Variants in GNAI3 observed in about 807,000 individuals in gnomAD.
GNAI3 encodes the protein guanine nucleotide-binding protein G(i) subunit alpha-3.
GNAI3 carries 12 observed loss-of-function variants against 41.8 expected under a neutral mutation model. The observed-to-expected ratio is 0.29, with a 90% confidence interval of 0.18 to 0.47. The LOEUF is 0.47. GNAI3 is among the 20% of genes least tolerant of loss of function. GNAI3 has a pLI of 1.00. For missense variants in GNAI3, 360 were observed against 429.6 expected (o/e 0.84, Z 1.43); for synonymous variants, 132 against 146.5 (o/e 0.90, Z 0.71).
Position 109,548,718 on chromosome 1 carries a change from G to T in GNAI3, c.-3G>T, listed in dbSNP as rs760820683. On this transcript the variant is annotated 5_prime_UTR_variant, in exon 1 of 9. Coordinates refer to ENST00000369851, the MANE Select transcript of GNAI3 (RefSeq NM_006496.4). ...GGCCCGTGTCCCCTCTCCCGCCGCCGCCATGGGCTGCACGTTGAGCGCCGA... is the reference window on the plus strand; with the variant it reads ...GGCCCGTGTCCCCTCTCCCGCCGCCTCCATGGGCTGCACGTTGAGCGCCGA... 1.2e-6 allele frequency: 2 copies of T among 1,608,566 alleles called. No homozygotes were observed. The highest frequency in any genetic ancestry group is 1.7e-6 in the Non-Finnish European group (2 of 1,175,626).
At position 109,598,747 on chromosome 1, in the gene GNAI3, CAGAA is replaced by C. The variant is rs2101117640; in HGVS notation, c.*6427_*6430del. 1 of 319,680 alleles carries C rather than the reference CAGAA, an allele frequency of 3.1e-6. No homozygotes were observed. The highest frequency in any genetic ancestry group is 3.3e-5 in the Admixed American group (1 of 30,538). 19.8% of individuals were successfully genotyped at this position (319,680 alleles called of 1,614,324 possible). On this transcript the variant is annotated 3_prime_UTR_variant, in exon 9 of 9. Coordinates refer to ENST00000369851, the MANE Select transcript of GNAI3 (RefSeq NM_006496.4). ...CTAGTGCTTTTTCATGGCAAAAAGA[CAGAA>C]AAGTTCCCTTCTGCAGTCTCCAGTG...
Position 109,598,957 on chromosome 1 carries a change from C to T in GNAI3, c.*6635C>T, listed in dbSNP as rs2101117791. 1.9e-6 allele frequency: 1 copy of T among 534,894 alleles called. No homozygotes were observed. Among genetic ancestry groups the T allele is most frequent in the East Asian group, 5.4e-5 (1 of 18,360 alleles). The allele number at this position is 534,894 out of a possible 1,614,324, so 33.1% of individuals were successfully genotyped here. A position where few individuals can be genotyped will look rare whatever the true frequency, so the allele number is the denominator to read the frequency against. On this transcript the variant is annotated 3_prime_UTR_variant, in exon 9 of 9. Transcript: ENST00000369851. Reference sequence around the variant, plus strand: ...CTTCACCCTTCACCACCTTCTCCACCCAGCATGGCCGGCACACTTTGGTCT... The same window carrying T: ...CTTCACCCTTCACCACCTTCTCCACTCAGCATGGCCGGCACACTTTGGTCT...
chr1:109,561,330 A>C (rs1648302192), intron 1 of GNAI3, among the ~76,000 whole-genome samples: 3 of 152,236 alleles, frequency 2.0e-5, no homozygotes, highest in African/African-American at 7.2e-5. Flanking sequence ...CAGATAGTAC[A>C]GAGTCCCTAT....
intron 1 of GNAI3, among the ~76,000 whole-genome samples, chr1:109,564,855 C>T (rs949703468): frequency 3.3e-5 from 5 of 152,136 alleles, no homozygotes; most frequent in Non-Finnish European, 5.9e-5. Flanking sequence ...TTCTTATGTG[C>T]CCTTTAAGCC....
Position 109,582,563 on chromosome 1 carries a change from C to A in GNAI3, c.588C>A (p.Phe196Leu). The change falls in exon 5 of 9, where the codon TTC becomes TTA. Residue 196 changes from phenylalanine (F) to leucine (L), a missense_variant and splice_region_variant. Physicochemically the swap from Phe to Leu is conservative, Grantham distance 22 (BLOSUM62 0). Coordinates refer to ENST00000369851, the MANE Select transcript of GNAI3 (RefSeq NM_006496.4). ...ATTTCACCTTCAAAGACCTATACTT[C>A]AAGTAAGTCATTAGCCTTTTTGCTA... is the stretch of plus-strand genomic sequence containing the variant. The part of the protein sequence containing the change: ...ETHFTFKDLY[F>L]KMFDVGGQRS... 6.2e-7 allele frequency: 1 copy of A among 1,603,998 alleles called. No homozygotes were observed. The highest frequency in any genetic ancestry group is 1.3e-5 in the African/African-American group (1 of 74,834).
In GNAI3 at chr1:109,580,042, C is replaced by T. The variant is rs183790640; in HGVS notation, c.461+681C>T. 5.7e-3 allele frequency among the ~76,000 whole-genome samples: 873 copies of T among 152,326 alleles called. 10 individuals carry two copies. Among genetic ancestry groups the T allele is most frequent in the African/African-American group, 0.02 (816 of 41,572 alleles). On this transcript the variant is annotated intron_variant, in intron 4 of 8. Transcript: ENST00000369851. ...TTTGAGACGGAGTCTCGCTCTGTCGCCCAGACTGGAGTGCAGTGGCTCCAT... is the reference window on the plus strand; with the variant it reads ...TTTGAGACGGAGTCTCGCTCTGTCGTCCAGACTGGAGTGCAGTGGCTCCAT...
At chr1:109,553,048 A>G (rs1648031648) in intron 1 of GNAI3, among the ~76,000 whole-genome samples, 1 of 152,150 alleles carries the variant, frequency 6.6e-6, no homozygotes, top group Admixed American at 6.5e-5. Context: ...CTAGCAAATA[A>G]AAAATAGTAA....
At chr1:109,554,671 G>C (rs1648095889) in intron 1 of GNAI3, among the ~76,000 whole-genome samples, 2 of 152,246 alleles carry the variant, frequency 1.3e-5, no homozygotes, top group Admixed American at 1.3e-4. Context: ...TCTGTACTCT[G>C]CTGATTTCTT....
intron 1 of GNAI3, among the ~76,000 whole-genome samples, chr1:109,560,042 A>T (rs553176576): frequency 6.6e-6 from 1 of 152,334 alleles, no homozygotes; most frequent in African/African-American, 2.4e-5. Context: ...CTTATACCTG[A>T]ATAGTGGTCT....
chr1:109,582,516 A>C lies in GNAI3; in HGVS notation c.541A>C (p.Thr181Pro). 1 of 1,604,158 alleles carries C rather than the reference A, an allele frequency of 6.2e-7. No homozygotes were observed. Among genetic ancestry groups the C allele is most frequent in the Non-Finnish European group, 8.5e-7 (1 of 1,170,928 alleles). Residue 181 changes from threonine (T) to proline (P), a missense_variant, in exon 5 of 9, where the codon ACC (threonine) becomes CCC (proline). Thr to Pro is a conservative substitution (Grantham distance 38). Coordinates refer to ENST00000369851, the MANE Select transcript of GNAI3 (RefSeq NM_006496.4). ...AGATGTTCTTCGGACGAGAGTGAAGACCACAGGCATTGTAGAAACACATTT... is the reference window on the plus strand; with the variant it reads ...AGATGTTCTTCGGACGAGAGTGAAGCCCACAGGCATTGTAGAAACACATTT... Reference protein sequence around the residue: ...QQDVLRTRVKTTGIVETHFTF... With the variant: ...QQDVLRTRVKPTGIVETHFTF...
chr1:109,584,936 G>T (rs1055061307), intron 5 of GNAI3, among the ~76,000 whole-genome samples: 1 of 152,216 alleles, frequency 6.6e-6, no homozygotes, highest in Non-Finnish European at 1.5e-5. Flanking sequence ...AAGCCAACTT[G>T]TGATTACATC....
chr1:109,550,965 T>C (rs572347294), intron 1 of GNAI3, among the ~76,000 whole-genome samples: 1 of 152,374 alleles, frequency 6.6e-6, no homozygotes, highest in East Asian at 1.9e-4. Flanking sequence ...TTGGAAACTT[T>C]GAGACTTTCT....
chr1:109,570,267 G>T (rs1333288107), intron 1 of GNAI3, among the ~76,000 whole-genome samples: 1 of 152,170 alleles, frequency 6.6e-6, no homozygotes, highest in Non-Finnish European at 1.5e-5. Context: ...TAGTTGTCTA[G>T]AATTTTTATA....
chr1:109,553,227 C>CT (rs899651989), intron 1 of GNAI3, among the ~76,000 whole-genome samples: 46 of 150,684 alleles, frequency 3.1e-4, no homozygotes, highest in Non-Finnish European at 5.5e-4. Flanking sequence ...AATGTTAGTC[C>CT]TTTTTTTTTA....
chr1:109,565,267 G>A (rs1571151453), intron 1 of GNAI3, among the ~76,000 whole-genome samples: 1 of 148,688 alleles, frequency 6.7e-6, no homozygotes, highest in African/African-American at 2.6e-5. Context: ...AAAAAAAAAA[G>A]ATAATTCATT....
In GNAI3 at chr1:109,586,759, G is replaced by A. The variant is rs753568476; in HGVS notation, c.751G>A (p.Asp251Asn). ...NRMHESMKLF[D>N]SICNNKWFTE... ...AATGCATGAAAGCATGAAACTGTTTGACAGCATTTGTAATAACAAATGGTT... is the reference window on the plus strand; with the variant it reads ...AATGCATGAAAGCATGAAACTGTTTAACAGCATTTGTAATAACAAATGGTT... Residue 251 changes from aspartate (D) to asparagine (N), a missense_variant, in exon 7 of 9, where the codon GAC (aspartate) becomes AAC (asparagine). Transcript: ENST00000369851. 5 of 1,605,120 alleles carry A rather than the reference G, an allele frequency of 3.1e-6. No individual in the cohort carries two copies. The South Asian group carries it at 4.4e-5, about 14-fold the overall frequency.
At chr1:109,586,112 A>T in intron 5 of GNAI3, 104 bp from the exon 6 acceptor site, 1 of 866,264 alleles carries the variant, frequency 1.2e-6, no homozygotes, top group Non-Finnish European at 1.7e-6. Flanking sequence ...TCTATTATAA[A>T]TGAAGTTTTG....
chr1:109,568,209 G>T (rs1290747564), intron 1 of GNAI3, among the ~76,000 whole-genome samples: 1 of 152,030 alleles, frequency 6.6e-6, no homozygotes, highest in African/African-American at 2.4e-5. Context: ...ATATGCTCTG[G>T]TACCTGCTCA....
At chr1:109,571,339 T>C (rs978073259) in intron 1 of GNAI3, among the ~76,000 whole-genome samples, 4 of 152,258 alleles carry the variant, frequency 2.6e-5, no homozygotes, top group Non-Finnish European at 4.4e-5. Flanking sequence ...ATTAGAGATC[T>C]AAATTTGGAA....
Sources: allele counts gnomAD v4.1 joint callset (sites outside exome capture counted in the v4.1 genomes callset), GRCh38; gene constraint gnomAD v4.1.1; transcripts MANE v1.5; gene names NCBI Gene and HGNC (gene_info 2026-07-23, HGNC 2026-07-21).